The following RSRC1 variants were observed in gnomAD, a reference collection of about 807,000 sequenced individuals.
The protein encoded by RSRC1 is serine/Arginine-related protein 53.
A neutral mutation model predicts 49.1 loss-of-function variants in RSRC1; 39 were observed. That is an observed-to-expected ratio of 0.79 (90% CI 0.61 to 1.04). The LOEUF is 1.04. Among genes scored for constraint, RSRC1 ranks in the 50% least tolerant of loss-of-function variants. RSRC1 has a pLI of 0.00. For missense variants in RSRC1, 388 were observed against 402.4 expected, an observed-to-expected ratio of 0.96 and a Z score of 0.31; for synonymous variants, 143 against 130.8, an observed-to-expected ratio of 1.09 and a Z score of -0.63.
chr3:158,257,659 T>C (rs1280098405), intron 4 of RSRC1, among the ~76,000 whole-genome samples: 2 of 152,148 alleles, frequency 1.3e-5, no homozygotes, highest in Non-Finnish European at 2.9e-5. Context: ...GATAAATAGA[T>C]ACTTACTCTG....
chr3:158,228,456 G>A (rs1340073076), intron 4 of RSRC1, among the ~76,000 whole-genome samples: 1 of 151,810 alleles, frequency 6.6e-6, no homozygotes. Flanking sequence ...GAACTACATA[G>A]AGTTTGAATC....
chr3:158,379,635 G>A (rs536837447), intron 6 of RSRC1, among the ~76,000 whole-genome samples: 1 of 151,896 alleles, frequency 6.6e-6, no homozygotes, highest in Non-Finnish European at 1.5e-5. Flanking sequence ...GTATGCCTTA[G>A]TCTCAGCAGG....
At chr3:158,518,388 T>G (rs923042990) in intron 7 of RSRC1, among the ~76,000 whole-genome samples, 2 of 151,102 alleles carry the variant, frequency 1.3e-5, no homozygotes, top group Admixed American at 6.6e-5. Context: ...TTTTTTTTTG[T>G]CAAATGATTC....
chr3:158,513,455 A>G (rs1740301739), intron 7 of RSRC1, among the ~76,000 whole-genome samples: 1 of 152,176 alleles, frequency 6.6e-6, no homozygotes, highest in Non-Finnish European at 1.5e-5. Flanking sequence ...CTTGCATTCC[A>G]GGGATGAAGC....
chr3:158,512,742 C>T (rs1363760853), intron 7 of RSRC1, among the ~76,000 whole-genome samples: 1 of 151,508 alleles, frequency 6.6e-6, no homozygotes, highest in Non-Finnish European at 1.5e-5. Context: ...TCTTCCTACC[C>T]ATGAGCATGG....
At chr3:158,117,153 C>A (rs1484849427) in intron 1 of RSRC1, among the ~76,000 whole-genome samples, 1 of 152,022 alleles carries the variant, frequency 6.6e-6, no homozygotes, top group Non-Finnish European at 1.5e-5. Flanking sequence ...AACCCATATG[C>A]CTTTTATTGT....
intron 4 of RSRC1, among the ~76,000 whole-genome samples, chr3:158,206,757 T>C (rs932567038): frequency 3.3e-5 from 5 of 151,940 alleles, no homozygotes; most frequent in African/African-American, 1.2e-4. Context: ...CTACTAAAAA[T>C]ACAAAAATTA....
chr3:158,368,284 C>G (rs545206280), intron 6 of RSRC1, among the ~76,000 whole-genome samples: 1 of 152,318 alleles, frequency 6.6e-6, no homozygotes, highest in African/African-American at 2.4e-5. Context: ...CAGTATAAAG[C>G]AGATCATCCC....
intron 6 of RSRC1, among the ~76,000 whole-genome samples, chr3:158,399,951 A>G (rs1733817061): frequency 6.6e-6 from 1 of 152,196 alleles, no homozygotes; most frequent in Non-Finnish European, 1.5e-5. Flanking sequence ...AGAGTAAGAA[A>G]GAACAGTGAA....
At chr3:158,352,895 A>G (rs1266294587) in intron 5 of RSRC1, among the ~76,000 whole-genome samples, 1 of 152,170 alleles carries the variant, frequency 6.6e-6, no homozygotes, top group Admixed American at 6.5e-5. Context: ...TAATGGCTTG[A>G]TACCTGTAGA....
At chr3:158,270,930 A>G (rs1247477660) in intron 4 of RSRC1, among the ~76,000 whole-genome samples, 1 of 152,108 alleles carries the variant, frequency 6.6e-6, no homozygotes, top group Non-Finnish European at 1.5e-5. Flanking sequence ...CTTTTAGAGG[A>G]TAAATGATTA....
intron 3 of RSRC1, among the ~76,000 whole-genome samples, chr3:158,197,842 C>A (rs1408556999): frequency 2.0e-5 from 3 of 152,158 alleles, no homozygotes; most frequent in Non-Finnish European, 2.9e-5. Flanking sequence ...TTTGATTGCA[C>A]TGTGGTCTGA....
chr3:158,341,844 G>C (rs1237640718), intron 5 of RSRC1, among the ~76,000 whole-genome samples: 2 of 152,074 alleles, frequency 1.3e-5, no homozygotes, highest in Non-Finnish European at 2.9e-5. Context: ...GCAAAGTCAC[G>C]GGGTGGAGCT....
intron 6 of RSRC1, among the ~76,000 whole-genome samples, chr3:158,454,732 C>T (rs1208532530): frequency 2.0e-5 from 3 of 152,092 alleles, no homozygotes; most frequent in Non-Finnish European, 2.9e-5. Context: ...GTATCTCTTT[C>T]GTAAGATTGG....
chr3:158,542,043 G>A (rs1713058208), intron 8 of RSRC1, among the ~76,000 whole-genome samples: 1 of 151,916 alleles, frequency 6.6e-6, no homozygotes, highest in Non-Finnish European at 1.5e-5. Context: ...TTTATTTTTT[G>A]CCAAAGATAC....
chr3:158,235,438 T>A (rs557715259), intron 4 of RSRC1, among the ~76,000 whole-genome samples: 66 of 152,308 alleles, frequency 4.3e-4, no homozygotes, highest in Non-Finnish European at 7.8e-4. Context: ...TATAGTTATA[T>A]GTGTTACTAG....
chr3:158,259,303 C>G (rs1724755050), intron 4 of RSRC1, among the ~76,000 whole-genome samples: 1 of 152,112 alleles, frequency 6.6e-6, no homozygotes, highest in Non-Finnish European at 1.5e-5. Flanking sequence ...GCACTCCAAG[C>G]CCAGTAATGC....
chr3:158,176,311 C>T (rs1481712375), intron 3 of RSRC1, among the ~76,000 whole-genome samples: 4 of 152,104 alleles, frequency 2.6e-5, no homozygotes, highest in Non-Finnish European at 5.9e-5. Context: ...CTTTAAAGTC[C>T]ATATGGAACT....
intron 6 of RSRC1, among the ~76,000 whole-genome samples, chr3:158,357,603 T>C (rs993833718): frequency 5.3e-5 from 8 of 152,144 alleles, no homozygotes; most frequent in African/African-American, 1.9e-4. Flanking sequence ...AAGATTCTAG[T>C]TGTCTTTTTG....
Sources: gnomAD v4.1 joint callset for allele counts (sites outside exome capture counted in the v4.1 genomes callset) on GRCh38, gnomAD v4.1.1 for gene constraint, MANE v1.5 for transcripts, NCBI Gene and HGNC (gene_info 2026-07-23, HGNC 2026-07-21) for gene names.